PLEKHG5: variants seen among roughly 807,000 people sequenced by gnomAD.
PLEKHG5 encodes pleckstrin homology and RhoGEF domain containing G5.
In PLEKHG5, 52 loss-of-function variants were observed where a neutral mutation model predicts 103.8. That is an observed-to-expected ratio of 0.50 (90% CI 0.40 to 0.63). The LOEUF is 0.63. Ranked by LOEUF, PLEKHG5 falls within the 30% of genes least tolerant of loss-of-function variation. The pLI is 0.00. For synonymous variants in PLEKHG5, 592 were observed against 575.5 expected (o/e 1.03, Z -0.41); for missense variants, 1,205 against 1,347.6 (o/e 0.89, Z 1.66).
At chr1:6,506,731 C>T (rs1638333704) in intron 1 of PLEKHG5, among the ~76,000 whole-genome samples, 1 of 152,236 alleles carries the variant, frequency 6.6e-6, no homozygotes, top group African/African-American at 2.4e-5. Context: ...CCCTCACCTC[C>T]ACTGAGCCGA....
At chr1:6,476,390 A>C (rs1261419464) in intron 2 of PLEKHG5, among the ~76,000 whole-genome samples, 1 of 152,052 alleles carries the variant, frequency 6.6e-6, no homozygotes, top group Non-Finnish European at 1.5e-5. Flanking sequence ...ACAGGGTTTC[A>C]ACATGTTGGC....
At position 6,490,378 on chromosome 1, in the gene PLEKHG5, TA is replaced by T. The variant is rs1268771762; in HGVS notation, c.-88+1258del. 3 of 883,402 alleles carry T rather than the reference TA, an allele frequency of 3.4e-6. No individual in the cohort carries two copies. The highest frequency in any genetic ancestry group is 3.7e-5 in the African/African-American group (2 of 54,632). 54.7% of individuals were successfully genotyped at this position (883,402 alleles called of 1,614,324 possible). On this transcript the variant is annotated intron_variant, in intron 1 of 20. Coordinates refer to ENST00000377728, the MANE Select transcript of PLEKHG5 (RefSeq NM_020631.6). The surrounding 1 kb of genome is among the most constrained non-coding windows in gnomAD (Gnocchi z 8.0). The stretch of plus-strand genomic sequence containing the variant: ...CGAATCCGGGTTCTGTCCATCGGTT[TA>T]GGGGGGTCCTGGCGCCTAGTCCCAC...
rs781226672 is a variant in PLEKHG5, at chr1:6,468,167, C to G, written c.2669G>C (p.Gly890Ala). 6.4e-7 allele frequency: 1 copy of G among 1,567,452 alleles called. No individual in the cohort carries two copies. The highest frequency in any genetic ancestry group is 8.7e-7 in the Non-Finnish European group (1 of 1,155,548). The part of the protein sequence containing the change: ...ASLLQLLAGA[G>A]THGTPSAPSR... ...GGGGGCAGAGGGTGTCCCATGGGTG[C>G]CAGCCCCTGCCAGCAGCTGGAGGAG... is the stretch of plus-strand genomic sequence containing the variant. Residue 890 changes from glycine (G) to alanine (A), a missense_variant, in exon 20 of 21, where the codon GGC becomes GCC. Coordinates refer to ENST00000377728, the MANE Select transcript of PLEKHG5 (RefSeq NM_020631.6).
chr1:6,505,160 C>T lies in PLEKHG5; in HGVS notation c.-164-8591G>A, dbSNP rs1336805506. Among the ~76,000 whole-genome samples, 2 of 152,148 alleles carry T rather than the reference C, an allele frequency of 1.3e-5. No homozygotes were observed. The highest frequency in any genetic ancestry group is 2.1e-4 in the South Asian group (1 of 4,830). ...CAGTGCTGGGAGCTGGAGATCAGCG[C>T]TCCGGTAGCTTCTGCGGACCGGACT... On this transcript the variant is annotated intron_variant, in intron 1 of 21. Transcript: ENST00000377740. This position sits in a 1 kb window ranked among gnomAD's most constrained non-coding sequence, Gnocchi z 4.2.
At chr1:6,481,445 C>T (rs1436107060) in intron 1 of PLEKHG5, among the ~76,000 whole-genome samples, 2 of 151,266 alleles carry the variant, frequency 1.3e-5, no homozygotes, top group African/African-American at 4.9e-5. Context: ...GCAGGAGAAT[C>T]GCTTGAATAC....
intron 1 of PLEKHG5, among the ~76,000 whole-genome samples, chr1:6,485,169 T>A (rs1374968358): frequency 6.6e-6 from 1 of 152,034 alleles, no homozygotes; most frequent in Non-Finnish European, 1.5e-5. Context: ...GCTGCCCAGG[T>A]AGGGGGCTCG....
intron 1 of PLEKHG5, among the ~76,000 whole-genome samples, chr1:6,502,997 G>A (rs1397734854): frequency 6.6e-6 from 1 of 152,208 alleles, no homozygotes; most frequent in Non-Finnish European, 1.5e-5. Context: ...GGTGTGCATG[G>A]TGCATCTGGG....
upstream of PLEKHG5, chr1:6,496,533 C>A: frequency 6.3e-7 from 1 of 1,598,626 alleles, no homozygotes; most frequent in South Asian, 1.1e-5. Flanking sequence ...GGGGTTCTGA[C>A]AGCGCAGTCC....
At chr1:6,492,747 A>G (rs531850212), upstream of PLEKHG5, among the ~76,000 whole-genome samples, 106 of 152,228 alleles carry the variant, frequency 7.0e-4, 1 homozygote, top group South Asian at 0.022. Flanking sequence ...CACAGCTGGA[A>G]AAAAGTAGGT....
At chr1:6,488,599 G>C (rs962943925) in intron 1 of PLEKHG5, among the ~76,000 whole-genome samples, 1 of 152,210 alleles carries the variant, frequency 6.6e-6, no homozygotes, top group African/African-American at 2.4e-5. Context: ...CAGCAAGGGT[G>C]GGGGACTGTT....
At chr1:6,502,643 C>G (rs1645308176) in intron 1 of PLEKHG5, among the ~76,000 whole-genome samples, 2 of 152,222 alleles carry the variant, frequency 1.3e-5, no homozygotes, top group Admixed American at 1.3e-4. Flanking sequence ...CCGAGAGTGA[C>G]CAAGGGCGGA....
chr1:6,501,460 T>C (rs1645295917), upstream of PLEKHG5, among the ~76,000 whole-genome samples: 1 of 152,120 alleles, frequency 6.6e-6, no homozygotes, highest in Admixed American at 6.6e-5. This position sits in a 1 kb window ranked among gnomAD's most constrained non-coding sequence, Gnocchi z 4.3. Context: ...TCTTGAACCT[T>C]TGAACCAACA....
intron 4 of PLEKHG5, 25 bp downstream of exon 4, chr1:6,475,437 C>A: frequency 6.2e-7 from 1 of 1,609,590 alleles, no homozygotes; most frequent in Non-Finnish European, 8.5e-7. Context: ...GAACCCGCAT[C>A]TGCCGGCTCT....
At chr1:6,510,424 C>G (rs1638442796) in intron 1 of PLEKHG5, among the ~76,000 whole-genome samples, 2 of 152,066 alleles carry the variant, frequency 1.3e-5, no homozygotes, top group African/African-American at 4.8e-5. Context: ...AACCCCGTCT[C>G]TACTAAAAAT....
intron 1 of PLEKHG5, among the ~76,000 whole-genome samples, chr1:6,502,440 C>T (rs1645305755): frequency 6.6e-6 from 1 of 152,232 alleles, no homozygotes; most frequent in Non-Finnish European, 1.5e-5. Context: ...CAGCCCTACC[C>T]ACCCACACTG....
At chr1:6,519,326 G>T in intron 1 of PLEKHG5, 2 of 825,344 alleles carry the variant, frequency 2.4e-6, no homozygotes, top group East Asian at 2.4e-5. Context: ...CTCTTAAACC[G>T]TCCGGACTAA....
At chr1:6,471,830 T>A (rs758327819) in intron 10 of PLEKHG5, 22 bp from the exon 11 acceptor site, 2 of 1,596,692 alleles carry the variant, frequency 1.3e-6, no homozygotes, top group Non-Finnish European at 1.7e-6. Flanking sequence ...GGGGATGGTG[T>A]GACTGGGGTC....
chr1:6,519,574 C>T, exon 1 of PLEKHG5: 1 of 1,235,452 alleles, frequency 8.1e-7, no homozygotes. Flanking sequence ...TGCCACAGGC[C>T]TCTCTAATCA....
Position 6,469,404 on chromosome 1 carries a change from C to T in PLEKHG5, c.1980G>A (p.Gly660=), listed in dbSNP as rs751242417. The T allele has an allele frequency of 1.3e-5, 21 of 1,613,994 alleles. No individual in the cohort carries two copies. The Admixed American group carries it at 3.3e-4, about 26-fold the overall frequency. The part of the protein sequence containing the change: ...IYLNEFHSAV[G]AYTFQASGQA... Reference sequence around the variant, plus strand: ...GGCCACTGGCCTGGAACGTGTAGGCCCCTACAGCACTGTGAAACTCATTCA... The same window carrying T: ...GGCCACTGGCCTGGAACGTGTAGGCTCCTACAGCACTGTGAAACTCATTCA... The change falls in exon 18 of 21, where the codon GGG becomes GGA. Residue 660 remains glycine (G), a synonymous_variant. Coordinates refer to ENST00000377728, the MANE Select transcript of PLEKHG5 (RefSeq NM_020631.6).
Sources: allele counts gnomAD v4.1 joint callset (sites outside exome capture counted in the v4.1 genomes callset), GRCh38; gene constraint gnomAD v4.1.1; non-coding constraint Gnocchi (gnomAD v3.1); transcripts MANE v1.5; gene names NCBI Gene and HGNC (gene_info 2026-07-23, HGNC 2026-07-21).